GRIK1: variants seen among roughly 807,000 people sequenced by gnomAD.
The protein encoded by GRIK1 is glutamate ionotropic receptor kainate type subunit 1.
In GRIK1, 69 loss-of-function variants were observed where a neutral mutation model predicts 105.7. The ratio of observed to expected loss-of-function variants is 0.65; its 90% CI spans 0.54 to 0.80. GRIK1 has a LOEUF of 0.80. GRIK1 is among the 30% of genes least tolerant of loss of function. GRIK1 has a pLI of 0.00. For missense variants in GRIK1, 1,109 were observed against 1,167.3 expected (o/e 0.95, Z 0.73); for synonymous variants, 438 against 431.3 (o/e 1.02, Z -0.19).
At chr21:29,711,086 T>TTA (rs2064038371) in intron 1 of GRIK1, among the ~76,000 whole-genome samples, 1 of 152,154 alleles carries the variant, frequency 6.6e-6, no homozygotes, top group South Asian at 2.1e-4. Context: ...GCTTAAGCTA[T>TTA]TATATAGTTA....
intron 7 of GRIK1, 119 bp downstream of exon 7, chr21:29,642,707 A>T (rs1268054912): frequency 2.4e-6 from 2 of 818,300 alleles, no homozygotes; most frequent in African/African-American, 1.7e-5. Flanking sequence ...CTGGTTGATG[A>T]TGGCTTCCTC....
intron 7 of GRIK1, among the ~76,000 whole-genome samples, chr21:29,636,052 C>G (rs2146502169): frequency 6.6e-6 from 1 of 152,236 alleles, no homozygotes; most frequent in East Asian, 1.9e-4. Flanking sequence ...GCAGCCCAGC[C>G]CAGCGAGATC....
intron 7 of GRIK1, among the ~76,000 whole-genome samples, chr21:29,617,656 A>T (rs919748952): frequency 5.9e-5 from 9 of 152,242 alleles, no homozygotes; most frequent in African/African-American, 2.2e-4. Context: ...TGGTCAATTC[A>T]TTAGCATAGG....
chr21:29,734,973 T>C (rs1023261068), intron 1 of GRIK1, among the ~76,000 whole-genome samples: 5 of 152,146 alleles, frequency 3.3e-5, no homozygotes, highest in African/African-American at 1.2e-4. Flanking sequence ...TCCAACCTAA[T>C]GTTACTTTCT....
intron 1 of GRIK1, among the ~76,000 whole-genome samples, chr21:29,706,829 A>ATG (rs2063917766): frequency 6.6e-6 from 1 of 152,200 alleles, no homozygotes; most frequent in Non-Finnish European, 1.5e-5. Context: ...GTATTTTTAA[A>ATG]TGTGCTGCAC....
At chr21:29,558,376 T>TCACACACACACACA (rs35594883) in intron 15 of GRIK1, among the ~76,000 whole-genome samples, 1,569 of 147,008 alleles carry the variant, frequency 0.011, 34 homozygotes, top group African/African-American at 0.037. Flanking sequence ...TATATATATT[T>TCACACACACACACA]CACACACACA....
chr21:29,796,981 A>G (rs1249490970), intron 1 of GRIK1, among the ~76,000 whole-genome samples: 15 of 152,110 alleles, frequency 9.9e-5, no homozygotes, highest in Non-Finnish European at 2.2e-4. Flanking sequence ...AACAGAAAAA[A>G]AAAAAAGAAA....
intron 1 of GRIK1, among the ~76,000 whole-genome samples, chr21:29,742,457 C>G (rs1290888344): frequency 1.3e-5 from 2 of 152,198 alleles, no homozygotes; most frequent in Non-Finnish European, 2.9e-5. Context: ...CTGAGTCACT[C>G]AACCCATCTT....
At chr21:29,856,059 G>A (rs1224407611) in intron 1 of GRIK1, among the ~76,000 whole-genome samples, 1 of 152,194 alleles carries the variant, frequency 6.6e-6, no homozygotes, top group African/African-American at 2.4e-5. Flanking sequence ...GAGATTCCAA[G>A]CTGGTCCTTG....
intron 1 of GRIK1, among the ~76,000 whole-genome samples, chr21:29,696,434 C>G (rs2063702950): frequency 6.6e-6 from 1 of 152,186 alleles, no homozygotes; most frequent in African/African-American, 2.4e-5. Flanking sequence ...TTACTTTTGT[C>G]AGACAATGGT....
chr21:29,729,370 T>G (rs1212216721), intron 1 of GRIK1, among the ~76,000 whole-genome samples: 1 of 152,172 alleles, frequency 6.6e-6, no homozygotes, highest in East Asian at 1.9e-4. Context: ...TTTGGAAGCC[T>G]GCCCTATTGT....
rs35513177 is a variant in GRIK1 at position 29,871,760 on chromosome 21, ATTTTTT to A, written c.118+67617_118+67622del. On this transcript the variant is annotated intron_variant, in intron 1 of 17. Coordinates refer to ENST00000327783, the MANE Select transcript of GRIK1 (RefSeq NM_001330994.2). ...CTACTACCAAAAGCCAATCTTTTTAATTTTTTTTTTTTTTTTTTTTTGAGACAGGGT... is the reference window on the plus strand; with the variant it reads ...CTACTACCAAAAGCCAATCTTTTTAATTTTTTTTTTTTTTTGAGACAGGGT... Among the ~76,000 whole-genome samples the A allele has an allele frequency of 8.3e-5, 10 of 121,158 alleles. No homozygotes were observed. The South Asian group carries it at 1.9e-3, about 23-fold the overall frequency. The allele number at this position is 121,158 out of a possible 152,430, so 79.5% of individuals were successfully genotyped here.
chr21:29,597,371 T>C (rs934886546), intron 8 of GRIK1, among the ~76,000 whole-genome samples: 1 of 152,248 alleles, frequency 6.6e-6, no homozygotes, highest in African/African-American at 2.4e-5. Flanking sequence ...TGTGAAAGCA[T>C]AACAATAGCT....
chr21:29,564,382 C>T (rs953610673), intron 14 of GRIK1, among the ~76,000 whole-genome samples: 2 of 152,042 alleles, frequency 1.3e-5, no homozygotes, highest in Admixed American at 6.5e-5. Flanking sequence ...CTCCTGACCT[C>T]GTGATCCGCC....
intron 1 of GRIK1, among the ~76,000 whole-genome samples, chr21:29,924,448 G>A (rs1349397700): frequency 6.6e-6 from 1 of 152,076 alleles, no homozygotes; most frequent in Non-Finnish European, 1.5e-5. Flanking sequence ...GACATCATGA[G>A]CTTTATTCTA....
intron 7 of GRIK1, among the ~76,000 whole-genome samples, chr21:29,618,475 G>A (rs2061902701): frequency 6.6e-6 from 1 of 152,158 alleles, no homozygotes; most frequent in South Asian, 2.1e-4. Context: ...ACTAAAAGCA[G>A]AACTACCACT....
intron 1 of GRIK1, among the ~76,000 whole-genome samples, chr21:29,788,844 T>G (rs889615603): frequency 1.3e-5 from 2 of 152,156 alleles, no homozygotes; most frequent in Non-Finnish European, 2.9e-5. Context: ...CACACTCTTA[T>G]GAGAATCTAA....
intron 1 of GRIK1, among the ~76,000 whole-genome samples, chr21:29,767,202 CA>C (rs2065688689): frequency 6.6e-6 from 1 of 152,122 alleles, no homozygotes; most frequent in South Asian, 2.1e-4. Flanking sequence ...ATCATAAAAT[CA>C]GGGGAAATGG....
intron 1 of GRIK1, among the ~76,000 whole-genome samples, chr21:29,740,197 C>T (rs1437831711): frequency 3.3e-5 from 5 of 151,774 alleles, no homozygotes; most frequent in Non-Finnish European, 5.9e-5. Context: ...GCCACTGCTC[C>T]TCATGCTGCC....
Sources: gnomAD v4.1 joint callset for allele counts (sites outside exome capture counted in the v4.1 genomes callset) on GRCh38, gnomAD v4.1.1 for gene constraint, MANE v1.5 for transcripts, NCBI Gene and HGNC (gene_info 2026-07-23, HGNC 2026-07-21) for gene names.